CTNNA2: variants seen among roughly 807,000 people sequenced by gnomAD.
CTNNA2 encodes catenin alpha 2, also known as catenin alpha-2.
CTNNA2 carries 42 observed loss-of-function variants against 101.0 expected under a neutral mutation model. The observed-to-expected ratio is 0.42, with a 90% CI of 0.32 to 0.54. The LOEUF (loss-of-function observed/expected upper bound fraction) is 0.54, where lower values mean the gene tolerates loss of function less well. Ranked by LOEUF, CTNNA2 falls within the 20% of genes least tolerant of loss-of-function variation. The probability of loss-of-function intolerance (pLI) is 0.14; values close to 1 mark genes in which losing one functional copy is unlikely to be tolerated. For synonymous variants in CTNNA2, 450 were observed against 456.4 expected, an observed-to-expected ratio of 0.99 and a Z score of 0.18; for missense variants, 871 against 1,223.1, an observed-to-expected ratio of 0.71 and a Z score of 4.29.
chr2:80,619,144 G>T lies in CTNNA2; in HGVS notation c.2490G>T (p.Gly830=). 1 of 1,561,660 alleles carries T rather than the reference G, an allele frequency of 6.4e-7. No individual in the cohort carries two copies. The highest frequency in any genetic ancestry group is 2.4e-5 in the East Asian group (1 of 42,108). The change falls in exon 18 of 19, where the codon GGG becomes GGT. Residue 830 remains glycine, a synonymous_variant. Transcript: ENST00000402739. ...FYEVDCDVID[G]GRASQLSTHL... is the part of the protein sequence containing the mutation. ...AGGTAGATTGTGATGTCATAGATGGGGGCAGGGCTAGTCAACTTTCTACCC... is the reference window on the plus strand; with the variant it reads ...AGGTAGATTGTGATGTCATAGATGGTGGCAGGGCTAGTCAACTTTCTACCC...
At chr2:79,736,100 T>C (rs1438226739) in intron 2 of CTNNA2, among the ~76,000 whole-genome samples, 1 of 152,208 alleles carries the variant, frequency 6.6e-6, no homozygotes, top group Non-Finnish European at 1.5e-5. Context: ...TTTATCTTAG[T>C]TTTTAATGAA....
At chr2:80,274,632 T>G (rs1315585177) in intron 7 of CTNNA2, among the ~76,000 whole-genome samples, 2 of 152,352 alleles carry the variant, frequency 1.3e-5, no homozygotes, top group African/African-American at 4.8e-5. Context: ...TTTTCCCTAC[T>G]GGGAATAAAC....
At chr2:79,537,936 G>A in intron 1 of CTNNA2, among the ~76,000 whole-genome samples, 1 of 151,710 alleles carries the variant, frequency 6.6e-6, no homozygotes, top group African/African-American at 2.4e-5. Context: ...ACATATGCAT[G>A]GCTTACTTCA....
chr2:79,590,351 G>A (rs1434444561), intron 1 of CTNNA2, among the ~76,000 whole-genome samples: 1 of 152,116 alleles, frequency 6.6e-6, no homozygotes, highest in African/African-American at 2.4e-5. Context: ...CAGTTCTTCA[G>A]ATACTGTTCT....
intron 12 of CTNNA2, among the ~76,000 whole-genome samples, chr2:80,561,099 T>A (rs1693547346): frequency 6.6e-6 from 1 of 152,170 alleles, no homozygotes; most frequent in East Asian, 1.9e-4. Flanking sequence ...TAGAGTTTTA[T>A]GATTGGACAG....
chr2:80,524,509 A>G (rs1573129250), intron 9 of CTNNA2, among the ~76,000 whole-genome samples: 1 of 152,112 alleles, frequency 6.6e-6, no homozygotes, highest in Admixed American at 6.5e-5. Flanking sequence ...TTGTTATAAC[A>G]TCTTTGGTGC....
intron 9 of CTNNA2, among the ~76,000 whole-genome samples, chr2:80,520,584 A>G (rs555212225): frequency 1.3e-5 from 2 of 152,252 alleles, no homozygotes; most frequent in South Asian, 2.1e-4. Context: ...CTAACTCCTT[A>G]CTGTATCCTC....
chr2:79,654,480 T>G lies in CTNNA2; in HGVS notation c.102+2822T>G, dbSNP rs1040930093. 2.0e-5 allele frequency among the ~76,000 whole-genome samples: 3 copies of G among 152,174 alleles called. 1 individual carries two copies. The South Asian group carries it at 6.2e-4, about 31-fold the overall frequency. On this transcript the variant is annotated intron_variant, in intron 2 of 18. Coordinates refer to ENST00000402739, the MANE Select transcript of CTNNA2 (RefSeq NM_001282597.3). ...CATTTTAGAGCCAGTAGCACAATGC[T>G]CCAGATCCCTCCGATTTCAGCTTAA...
At chr2:80,005,142 G>C (rs2103982905) in intron 7 of CTNNA2, among the ~76,000 whole-genome samples, 1 of 152,292 alleles carries the variant, frequency 6.6e-6, no homozygotes, top group Non-Finnish European at 1.5e-5. Flanking sequence ...AGAAGTGCTG[G>C]ATTGCAGGAA....
chr2:79,334,919 T>C (rs1430777077), intron 3 of CTNNA2, among the ~76,000 whole-genome samples: 1 of 152,180 alleles, frequency 6.6e-6, no homozygotes, highest in Non-Finnish European at 1.5e-5. Flanking sequence ...CTCTAGACTT[T>C]GCCTGTTGGT....
At chr2:79,510,405 C>T (rs1358858167), upstream of CTNNA2, among the ~76,000 whole-genome samples, 1 of 152,128 alleles carries the variant, frequency 6.6e-6, no homozygotes, top group Non-Finnish European at 1.5e-5. Flanking sequence ...AACATGATAG[C>T]ATTTTAGCAT....
intron 1 of CTNNA2, among the ~76,000 whole-genome samples, chr2:79,522,238 T>C (rs568590040): frequency 3.3e-5 from 5 of 152,346 alleles, no homozygotes; most frequent in African/African-American, 1.2e-4. Flanking sequence ...TAAATGCTTG[T>C]TGATTCAACT....
At position 79,894,302 on chromosome 2, in the gene CTNNA2, C is replaced by T. The variant is rs116470883; in HGVS notation, c.853-15292C>T. 6.5e-3 allele frequency among the ~76,000 whole-genome samples: 986 copies of T among 152,040 alleles called. 15 individuals carry two copies. Among genetic ancestry groups the T allele is most frequent in the African/African-American group, 0.023 (937 of 41,458 alleles). ...CCCATATTTTTTGCCTGGATCATTG[C>T]AATAACTTCCTAACTGGTTGCCCTG... On this transcript the variant is annotated intron_variant, in intron 6 of 18. Coordinates refer to ENST00000402739, the MANE Select transcript of CTNNA2 (RefSeq NM_001282597.3).
At chr2:79,950,788 G>A (rs1328581660) in intron 7 of CTNNA2, among the ~76,000 whole-genome samples, 1 of 152,158 alleles carries the variant, frequency 6.6e-6, no homozygotes, top group Non-Finnish European at 1.5e-5. Context: ...ACATATAATG[G>A]CATTGAGTAA....
intron 4 of CTNNA2, among the ~76,000 whole-genome samples, chr2:79,471,315 C>G (rs1435424272): frequency 6.6e-6 from 1 of 152,246 alleles, no homozygotes; most frequent in South Asian, 2.1e-4. Flanking sequence ...TTATAAAGAA[C>G]AGAATTTTAT....
At chr2:80,349,457 C>T (rs1673081745) in intron 7 of CTNNA2, among the ~76,000 whole-genome samples, 1 of 152,086 alleles carries the variant, frequency 6.6e-6, no homozygotes, top group South Asian at 2.1e-4. Context: ...AAAAGGAGAT[C>T]CTGGTAGGGG....
chr2:79,951,190 C>T (rs1688854660), intron 7 of CTNNA2, among the ~76,000 whole-genome samples: 1 of 152,122 alleles, frequency 6.6e-6, no homozygotes, highest in African/African-American at 2.4e-5. Flanking sequence ...ATCCATTCTC[C>T]TGCAATAATA....
intron 18 of CTNNA2, among the ~76,000 whole-genome samples, chr2:80,630,475 A>G (rs1006495047): frequency 2.0e-5 from 3 of 151,934 alleles, no homozygotes; most frequent in Admixed American, 1.3e-4. Flanking sequence ...CGTCTCTACT[A>G]AAAATAAAAA....
intron 2 of CTNNA2, among the ~76,000 whole-genome samples, chr2:79,291,341 CATATCCAGAAGAAAAA>C (rs1182020517): frequency 6.6e-6 from 1 of 152,144 alleles, no homozygotes; most frequent in East Asian, 1.9e-4. Context: ...CAGTCTCAGA[CATATCCAGAAGAAAAA>C]ATGTAGAGAT....
Sources: allele counts gnomAD v4.1 joint callset (sites outside exome capture counted in the v4.1 genomes callset), GRCh38; gene constraint gnomAD v4.1.1; transcripts MANE v1.5; gene names NCBI Gene and HGNC (gene_info 2026-07-23, HGNC 2026-07-21).